Variants in ARHGAP44 observed in about 807,000 individuals in gnomAD.
ARHGAP44 encodes rho GTPase-activating protein 44.
A neutral mutation model predicts 106.8 loss-of-function variants in ARHGAP44; 43 were observed. The ratio of observed to expected loss-of-function variants is 0.40; its 90% CI spans 0.32 to 0.52. The LOEUF (loss-of-function observed/expected upper bound fraction) is 0.52. Ranked by LOEUF, ARHGAP44 falls within the 20% of genes least tolerant of loss-of-function variation. The pLI, the probability that ARHGAP44 is intolerant of heterozygous loss-of-function variation, is 0.48. For missense variants in ARHGAP44, 866 were observed against 1,050.5 expected, an observed-to-expected ratio of 0.82 and a Z score of 2.43; for synonymous variants, 439 against 410.3, an observed-to-expected ratio of 1.07 and a Z score of -0.85.
chr17:12,958,465 G>T lies in ARHGAP44; in HGVS notation c.1343-252G>T, dbSNP rs570727279. On this transcript the variant is annotated intron_variant, in intron 15 of 20. Transcript: ENST00000379672. The surrounding 1 kb of genome is among the most constrained non-coding windows in gnomAD (Gnocchi z 4.1). ...ATTTCATATATTTCAGAAAGTATCC[G>T]TTCCTGTTTTTACAAACTTTTTTTT... is the stretch of plus-strand genomic sequence containing the variant. 3.0e-3 allele frequency among the ~76,000 whole-genome samples: 458 copies of T among 150,900 alleles called. 2 individuals are homozygous for T. The highest frequency in any genetic ancestry group is 0.01 in the African/African-American group (421 of 40,998).
intron 1 of ARHGAP44, among the ~76,000 whole-genome samples, chr17:12,795,327 T>C (rs1469443130): frequency 1.3e-5 from 2 of 152,216 alleles, no homozygotes; most frequent in African/African-American, 4.8e-5. Context: ...TGCTCTTATC[T>C]TCTAAGATCC....
chr17:12,909,565 AG>A (rs1210694075), intron 4 of ARHGAP44, among the ~76,000 whole-genome samples: 7 of 152,210 alleles, frequency 4.6e-5, no homozygotes, highest in African/African-American at 1.4e-4. Flanking sequence ...AATGATCTTT[AG>A]TCAAAAGAAA....
intron 18 of ARHGAP44, among the ~76,000 whole-genome samples, chr17:12,978,035 T>TAAAA (rs757585682): frequency 0.026 from 1,422 of 55,522 alleles, 215 homozygotes; most frequent in South Asian, 0.05. Flanking sequence ...AGACTCCATC[T>TAAAA]CAAAAAAAAA....
intron 1 of ARHGAP44, among the ~76,000 whole-genome samples, chr17:12,859,985 C>T (rs921353747): frequency 2.6e-5 from 4 of 152,018 alleles, no homozygotes; most frequent in Non-Finnish European, 5.9e-5. Flanking sequence ...AGGGGTGGTC[C>T]CTAGTTGTAC....
chr17:12,938,351 T>C (rs1028771606), intron 7 of ARHGAP44, among the ~76,000 whole-genome samples: 1 of 152,126 alleles, frequency 6.6e-6, no homozygotes, highest in Admixed American at 6.5e-5. Context: ...AAAGTTAATA[T>C]GGAAGAATTA....
At chr17:12,841,594 T>TCTCTCTCTCTCACACACACACACA (rs1417307080) in intron 1 of ARHGAP44, among the ~76,000 whole-genome samples, 63 of 126,530 alleles carry the variant, frequency 5.0e-4, no homozygotes, top group East Asian at 3.4e-3. Flanking sequence ...TGTCTCTCTC[T>TCTCTCTCTCTCACACACACACACA]CACACACACA....
At chr17:12,908,751 T>C in intron 3 of ARHGAP44, 146 bp from the exon 4 acceptor site, 1 of 617,588 alleles carries the variant, frequency 1.6e-6, no homozygotes, top group Non-Finnish European at 2.8e-6. Context: ...TGGTGCACTA[T>C]GAATTTCTAT....
Position 12,789,850 on chromosome 17 carries a change from G to T in ARHGAP44, c.12G>T (p.Gln4His). 1.3e-6 allele frequency: 2 copies of T among 1,524,208 alleles called. No individual in the cohort carries two copies. The highest frequency in any genetic ancestry group is 1.8e-6 in the Non-Finnish European group (2 of 1,138,652). 94.4% of individuals were successfully genotyped at this position (1,524,208 alleles called of 1,614,324 possible). The change falls in exon 1 of 21, where the codon CAG becomes CAT. Residue 4 changes from glutamine (Q) to histidine (H), a missense_variant. Coordinates refer to ENST00000379672, the MANE Select transcript of ARHGAP44 (RefSeq NM_014859.6). MKK[Q>H]FNRMRQLANQ... ...GCAGCGGGGCCACGATGAAGAAGCA[G>T]TTCAATCGCATGCGCCAGCTGGCCA...
At chr17:12,855,825 A>C (rs4239122) in intron 1 of ARHGAP44, among the ~76,000 whole-genome samples, 101,026 of 152,080 alleles carry the variant, frequency 0.66, 34,283 homozygotes, top group Non-Finnish European at 0.72. Flanking sequence ...GGAAGATGTT[A>C]TTGTAACACA....
At position 12,903,595 on chromosome 17, in the gene ARHGAP44, T is replaced by A. The variant is rs375710349; in HGVS notation, c.199-5302T>A. Among the ~76,000 whole-genome samples, 13 of 152,300 alleles carry A rather than the reference T, an allele frequency of 8.5e-5. 1 individual carries two copies. Among genetic ancestry groups the A allele is most frequent in the African/African-American group, 9.6e-5 (4 of 41,564 alleles). ...TAAGACTGGATATCCTTTTAAAAAA[T>A]TTTTAATTAATTTATTTCAATAGGT... On this transcript the variant is annotated intron_variant, in intron 3 of 20. Coordinates refer to ENST00000379672, the MANE Select transcript of ARHGAP44 (RefSeq NM_014859.6).
intron 3 of ARHGAP44, 41 bp downstream of exon 3, chr17:12,896,552 A>G (rs377403306): frequency 8.5e-6 from 13 of 1,531,406 alleles, no homozygotes; most frequent in Non-Finnish European, 1.2e-5. Context: ...AATCTTGCCT[A>G]CTGAGGACAA....
At chr17:12,886,106 T>C (rs192938098) in intron 1 of ARHGAP44, among the ~76,000 whole-genome samples, 1 of 152,294 alleles carries the variant, frequency 6.6e-6, no homozygotes, top group Non-Finnish European at 1.5e-5. Context: ...CCTTCCTCCA[T>C]TGAATTGCCT....
chr17:12,902,182 T>C (rs2150929021), intron 3 of ARHGAP44, among the ~76,000 whole-genome samples: 1 of 152,314 alleles, frequency 6.6e-6, no homozygotes, highest in East Asian at 1.9e-4. Context: ...CCTGCATCTC[T>C]GAGCTTAGCT....
At chr17:12,903,120 GA>G (rs1219695326) in intron 3 of ARHGAP44, among the ~76,000 whole-genome samples, 317 of 80,294 alleles carry the variant, frequency 3.9e-3, no homozygotes, top group African/African-American at 0.016. Flanking sequence ...GAGAGAGAGA[GA>G]GAGAGGAGAG....
intron 7 of ARHGAP44, among the ~76,000 whole-genome samples, chr17:12,934,869 A>C (rs2038500491): frequency 1.3e-5 from 2 of 152,218 alleles, no homozygotes; most frequent in Non-Finnish European, 2.9e-5. Context: ...CGTGTCAGGC[A>C]GGAGTACCAC....
intron 1 of ARHGAP44, among the ~76,000 whole-genome samples, chr17:12,859,836 G>A (rs1355820753): frequency 6.6e-6 from 1 of 152,220 alleles, no homozygotes; most frequent in Non-Finnish European, 1.5e-5. Flanking sequence ...AGAGGGAGCT[G>A]CACGCATTAG....
intron 1 of ARHGAP44, among the ~76,000 whole-genome samples, chr17:12,834,453 A>T (rs964631695): frequency 6.6e-6 from 1 of 152,218 alleles, no homozygotes; most frequent in South Asian, 2.1e-4. Context: ...GCAGTGAGCT[A>T]TGATGGCATC....
At chr17:12,938,599 A>AAC (rs2038619312) in intron 7 of ARHGAP44, among the ~76,000 whole-genome samples, 5 of 151,428 alleles carry the variant, frequency 3.3e-5, no homozygotes, top group Non-Finnish European at 4.4e-5. Context: ...AAAAAAAAAA[A>AAC]AAAACAGCTG....
chr17:12,852,999 T>C (rs1197463796), intron 1 of ARHGAP44, among the ~76,000 whole-genome samples: 3 of 152,112 alleles, frequency 2.0e-5, no homozygotes, highest in African/African-American at 7.2e-5. Flanking sequence ...ACAGGACTGA[T>C]AGGATAGATG....
Sources: gnomAD v4.1 joint callset for allele counts (sites outside exome capture counted in the v4.1 genomes callset) on GRCh38, gnomAD v4.1.1 for gene constraint, Gnocchi (gnomAD v3.1) non-coding constraint, MANE v1.5 for transcripts, NCBI Gene and HGNC (gene_info 2026-07-23, HGNC 2026-07-21) for gene names.